Variants in PRKCA observed in about 807,000 individuals in gnomAD.
PRKCA encodes protein kinase C alpha, also known as protein kinase C alpha type.
A neutral mutation model predicts 87.0 loss-of-function variants in PRKCA; 27 were observed. The ratio of observed to expected loss-of-function variants is 0.31; its 90% CI spans 0.23 to 0.43. The LOEUF (loss-of-function observed/expected upper bound fraction) is 0.43, where lower values mean the gene tolerates loss of function less well. PRKCA is among the 20% of genes least tolerant of loss of function. The pLI, the probability that PRKCA is intolerant of heterozygous loss-of-function variation, is 1.00. For missense variants in PRKCA, 518 were observed against 852.3 expected (o/e 0.61, Z 4.88); for synonymous variants, 329 against 311.1 (o/e 1.06, Z -0.61).
chr17:66,422,167 T>C (rs1912532120), intron 2 of PRKCA, among the ~76,000 whole-genome samples: 1 of 152,128 alleles, frequency 6.6e-6, no homozygotes, highest in Non-Finnish European at 1.5e-5. Context: ...CCTCTTGCCT[T>C]TCTAAAAGGT....
chr17:66,500,336 C>A (rs2090025585), intron 3 of PRKCA, among the ~76,000 whole-genome samples: 1 of 152,178 alleles, frequency 6.6e-6, no homozygotes, highest in South Asian at 2.1e-4. Flanking sequence ...TGCAAATCTG[C>A]AAGCAAATCT....
At chr17:66,467,508 C>A (rs890011859) in intron 2 of PRKCA, among the ~76,000 whole-genome samples, 1 of 152,146 alleles carries the variant, frequency 6.6e-6, no homozygotes, top group African/African-American at 2.4e-5. Context: ...ACAGCCCTAT[C>A]ACCAATAGTA....
At chr17:66,538,783 T>C (rs113546090) in intron 3 of PRKCA, among the ~76,000 whole-genome samples, 26 of 152,286 alleles carry the variant, frequency 1.7e-4, no homozygotes, top group African/African-American at 3.1e-4. Flanking sequence ...ATGAGTACCG[T>C]AGCAAAACAG....
At chr17:66,441,761 A>G (rs554056894) in intron 2 of PRKCA, among the ~76,000 whole-genome samples, 8 of 152,246 alleles carry the variant, frequency 5.3e-5, no homozygotes, top group Non-Finnish European at 8.8e-5. Context: ...GGTGAAGACA[A>G]GGAACATTTA....
chr17:66,380,700 A>G (rs1005696127), intron 2 of PRKCA, among the ~76,000 whole-genome samples: 1 of 152,164 alleles, frequency 6.6e-6, no homozygotes, highest in Non-Finnish European at 1.5e-5. Flanking sequence ...ATTGTTTTAT[A>G]ACATATTTTT....
At chr17:66,430,428 A>G (rs1555603253) in intron 2 of PRKCA, among the ~76,000 whole-genome samples, 1 of 151,662 alleles carries the variant, frequency 6.6e-6, no homozygotes, top group Admixed American at 6.5e-5. Context: ...CAGAGGCATG[A>G]CAGAGGTCTC....
rs1325099142 is a variant in PRKCA, at chr17:66,805,668, T to A, written c.*1631T>A. 6.6e-6 allele frequency: 1 copy of A among 152,230 alleles called. No individual in the cohort carries two copies. The highest frequency in any genetic ancestry group is 2.4e-5 in the African/African-American group (1 of 41,450). 9.4% of individuals were successfully genotyped at this position (152,230 alleles called of 1,614,324 possible). A position where few individuals can be genotyped will look rare whatever the true frequency, so the allele number is the denominator to read the frequency against. ...GACACTCCCTCTTAGTTTCTTCATG[T>A]CACCTTTCGTCCTGGTTCCTCCGCC... On this transcript the variant is annotated 3_prime_UTR_variant, in exon 17 of 17. Transcript: ENST00000413366.
chr17:66,530,243 G>A (rs111510717), intron 3 of PRKCA, among the ~76,000 whole-genome samples: 7 of 152,242 alleles, frequency 4.6e-5, no homozygotes, highest in East Asian at 1.9e-4. Context: ...TGGTTTGAGC[G>A]ACGGAAGGAG....
chr17:66,496,336 AT>A, intron 3 of PRKCA, 53 bp downstream of exon 3: 4 of 1,487,960 alleles, frequency 2.7e-6, no homozygotes, highest in South Asian at 1.2e-5. Context: ...CTGAGCTTTA[AT>A]TTTTTTAACG....
intron 2 of PRKCA, among the ~76,000 whole-genome samples, chr17:66,376,731 G>A (rs1255967048): frequency 1.3e-5 from 2 of 152,146 alleles, no homozygotes; most frequent in Non-Finnish European, 2.9e-5. Flanking sequence ...TTCAGGATAT[G>A]CATATCTGGG....
At position 66,541,599 on chromosome 17, in the gene PRKCA, CG is replaced by C. The variant is rs538026537; in HGVS notation, c.288+45317del. Reference sequence around the variant, plus strand: ...TGCAGTTCTGCAGGCAGGAATTGCACGTGCAAAGCAGAGCTGACGTCCAGTC... The same window carrying C: ...TGCAGTTCTGCAGGCAGGAATTGCACTGCAAAGCAGAGCTGACGTCCAGTC... On this transcript the variant is annotated intron_variant, in intron 3 of 16. Transcript: ENST00000413366. 2.3e-3 allele frequency among the ~76,000 whole-genome samples: 356 copies of C among 152,272 alleles called. 5 individuals are homozygous for C. Among genetic ancestry groups the C allele is most frequent in the Non-Finnish European group, 1.7e-3 (119 of 68,006 alleles).
chr17:66,584,329 C>T (rs972954962), intron 3 of PRKCA, among the ~76,000 whole-genome samples: 1 of 152,112 alleles, frequency 6.6e-6, no homozygotes, highest in Non-Finnish European at 1.5e-5. Flanking sequence ...TCAAGCAGTT[C>T]TCCTGCCTCA....
intron 16 of PRKCA, among the ~76,000 whole-genome samples, chr17:66,798,444 T>TGGTGGTGGTGAC (rs1975739172): frequency 1.2e-5 from 1 of 86,658 alleles, no homozygotes; most frequent in Admixed American, 1.1e-4. Context: ...ACGGTGGTGG[T>TGGTGGTGGTGAC]GGTGGTGACG....
In PRKCA at chr17:66,512,748, A is replaced by G. The variant is rs959124080; in HGVS notation, c.288+16465A>G. On this transcript the variant is annotated intron_variant, in intron 3 of 16. Transcript: ENST00000413366. ...TTTGAGCTGGCCCAGGCTGGAGTGC[A>G]GTGTCATGAACTTGGCTCACTGCAA... is the stretch of plus-strand genomic sequence containing the variant. Among the ~76,000 whole-genome samples the G allele has an allele frequency of 4.6e-5, 7 of 152,034 alleles. No homozygotes were observed. The East Asian group carries it at 1.4e-3, about 29-fold the overall frequency.
intron 2 of PRKCA, among the ~76,000 whole-genome samples, chr17:66,337,723 A>T (rs1044367277): frequency 2.0e-5 from 3 of 152,132 alleles, no homozygotes; most frequent in African/African-American, 7.2e-5. Flanking sequence ...CTAATAGGAA[A>T]ACCTAACTTT....
At chr17:66,798,416 G>A (rs1486628402) in intron 16 of PRKCA, among the ~76,000 whole-genome samples, 8 of 98,692 alleles carry the variant, frequency 8.1e-5, no homozygotes, top group African/African-American at 1.5e-4. Flanking sequence ...GATGGTGATG[G>A]TGGTGGTGGT....
chr17:66,565,218 G>A (rs1479598126), intron 3 of PRKCA, among the ~76,000 whole-genome samples: 2 of 152,168 alleles, frequency 1.3e-5, no homozygotes, highest in Non-Finnish European at 2.9e-5. Context: ...GAGTACTCAG[G>A]AAGTGATTCC....
chr17:66,770,524 A>G (rs1290735337), intron 13 of PRKCA, among the ~76,000 whole-genome samples: 1 of 152,260 alleles, frequency 6.6e-6, no homozygotes, highest in Non-Finnish European at 1.5e-5. Context: ...ATCAGCCAGC[A>G]TTTAGCTGAC....
intron 15 of PRKCA, among the ~76,000 whole-genome samples, 191 bp from the exon 16 acceptor site, chr17:66,788,648 A>T (rs1975458510): frequency 1.3e-5 from 2 of 152,100 alleles, no homozygotes; most frequent in African/African-American, 4.8e-5. Context: ...AGGAAGGGCT[A>T]TTCTTGCCAA....
Sources: allele counts gnomAD v4.1 joint callset (sites outside exome capture counted in the v4.1 genomes callset), GRCh38; gene constraint gnomAD v4.1.1; transcripts MANE v1.5; gene names NCBI Gene and HGNC (gene_info 2026-07-23, HGNC 2026-07-21).